IMPG1: variants seen among roughly 807,000 people sequenced by gnomAD.
The protein encoded by IMPG1 is interphotoreceptor matrix proteoglycan 1, also known as interphotoreceptor matrix proteoglycan of 150 kDa.
A neutral mutation model predicts 92.0 loss-of-function variants in IMPG1; 85 were observed. The ratio of observed to expected loss-of-function variants is 0.92; its 90% CI spans 0.78 to 1.11. IMPG1 has a LOEUF of 1.11. Ranked by LOEUF, IMPG1 falls within the 50% of genes least tolerant of loss-of-function variation. The pLI, the probability that IMPG1 is intolerant of heterozygous loss-of-function variation, is 0.00. For missense variants in IMPG1, 1,022 were observed against 956.0 expected (o/e 1.07, Z -0.91); for synonymous variants, 367 against 334.1 (o/e 1.10, Z -1.08).
At chr6:75,959,939 A>G (rs1315949308) in intron 12 of IMPG1, among the ~76,000 whole-genome samples, 1 of 152,154 alleles carries the variant, frequency 6.6e-6, no homozygotes, top group African/African-American at 2.4e-5. Flanking sequence ...CAGCTAGCTC[A>G]GTGTCTGCTC....
intron 7 of IMPG1, among the ~76,000 whole-genome samples, chr6:76,015,191 C>A (rs947583985): frequency 7.2e-5 from 11 of 152,150 alleles, no homozygotes; most frequent in African/African-American, 2.7e-4. Flanking sequence ...TATTAAATTG[C>A]TCATTAGGTT....
At chr6:76,027,664 T>C (rs1468030097) in intron 4 of IMPG1, among the ~76,000 whole-genome samples, 1 of 152,152 alleles carries the variant, frequency 6.6e-6, no homozygotes, top group Non-Finnish European at 1.5e-5. Flanking sequence ...ACATATTGAC[T>C]ATTCAAAAAA....
At position 76,072,510 on chromosome 6, in the gene IMPG1, A is replaced by G. The variant is rs1784418212; in HGVS notation, c.-22T>C. ...ACATTCTGGCTTTTGTGCATTGGTA[A>G]TTCTGATAACAATCACAGAACAACC... On this transcript the variant is annotated 5_prime_UTR_variant, in exon 1 of 17. Coordinates refer to ENST00000369950, the MANE Select transcript of IMPG1 (RefSeq NM_001563.4). 3 of 1,464,696 alleles carry G rather than the reference A, an allele frequency of 2.0e-6. No homozygotes were observed. Among genetic ancestry groups the G allele is most frequent in the Non-Finnish European group, 2.8e-6 (3 of 1,058,616 alleles). The allele number at this position is 1,464,696 out of a possible 1,614,324, so 90.7% of individuals were successfully genotyped here.
intron 12 of IMPG1, among the ~76,000 whole-genome samples, chr6:75,984,841 A>G (rs1238613921): frequency 6.6e-6 from 1 of 151,992 alleles, no homozygotes; most frequent in African/African-American, 2.4e-5. Flanking sequence ...GAGCATGGCA[A>G]CTTCCCCTAC....
chr6:76,045,344 G>A (rs112619657), intron 1 of IMPG1, among the ~76,000 whole-genome samples: 2,104 of 151,556 alleles, frequency 0.014, 37 homozygotes, highest in African/African-American at 0.039. Flanking sequence ...TATTTCTGTC[G>A]TCTGGTGCAG....
At chr6:75,992,994 A>G (rs1311568503) in intron 12 of IMPG1, among the ~76,000 whole-genome samples, 1 of 152,202 alleles carries the variant, frequency 6.6e-6, no homozygotes, top group Non-Finnish European at 1.5e-5. Flanking sequence ...TATACATAAC[A>G]TCTTACATTG....
intron 1 of IMPG1, among the ~76,000 whole-genome samples, chr6:76,056,767 C>T (rs532492047): frequency 6.6e-5 from 10 of 152,174 alleles, no homozygotes; most frequent in Non-Finnish European, 1.2e-4. Flanking sequence ...TTCACATTCC[C>T]GTGATGATTA....
intron 12 of IMPG1, among the ~76,000 whole-genome samples, chr6:75,974,725 AG>A (rs1782507604): frequency 6.6e-6 from 1 of 152,058 alleles, no homozygotes; most frequent in Non-Finnish European, 1.5e-5. Context: ...CATGTTGGCC[AG>A]GCTGGTCTCA....
intron 1 of IMPG1, among the ~76,000 whole-genome samples, chr6:76,064,794 C>T (rs554266680): frequency 6.6e-6 from 1 of 152,144 alleles, no homozygotes; most frequent in Non-Finnish European, 1.5e-5. Flanking sequence ...CTGGCTCTTA[C>T]CAGTAAGTAA....
chr6:75,982,694 G>A (rs1782648619), intron 12 of IMPG1, among the ~76,000 whole-genome samples: 1 of 151,454 alleles, frequency 6.6e-6, no homozygotes. Flanking sequence ...CCCAAATAAT[G>A]ACTATTTTTC....
At chr6:75,947,575 T>C (rs764618020) in intron 13 of IMPG1, 42 bp from the exon 14 acceptor site, 3 of 1,344,998 alleles carry the variant, frequency 2.2e-6, no homozygotes, top group Non-Finnish European at 3.2e-6. Context: ...GTGTTCTAAG[T>C]GCTCAGCTGC....
chr6:75,962,129 TTG>T (rs1491225487), intron 12 of IMPG1, among the ~76,000 whole-genome samples: 5 of 129,808 alleles, frequency 3.9e-5, no homozygotes, highest in East Asian at 2.8e-4. Flanking sequence ...CTTTGCCATT[TTG>T]TTTTTTGAGA....
intron 4 of IMPG1, among the ~76,000 whole-genome samples, chr6:76,027,536 G>A (rs1783569526): frequency 6.6e-6 from 1 of 152,184 alleles, no homozygotes; most frequent in South Asian, 2.1e-4. Flanking sequence ...GCATGGAAAT[G>A]TAAACTTTGG....
chr6:75,957,169 C>T (rs550594180), intron 12 of IMPG1, among the ~76,000 whole-genome samples: 2 of 152,266 alleles, frequency 1.3e-5, no homozygotes, highest in African/African-American at 2.4e-5. Context: ...CCACTCGCCT[C>T]GGCTTCCCAA....
intron 9 of IMPG1, among the ~76,000 whole-genome samples, chr6:76,007,140 T>C (rs1783111993): frequency 6.6e-6 from 1 of 152,196 alleles, no homozygotes; most frequent in African/African-American, 2.4e-5. Context: ...TGCTTTCAGA[T>C]AGACAACTGC....
At chr6:75,974,393 T>TCCTTGCTTGC (rs1562354842) in intron 12 of IMPG1, among the ~76,000 whole-genome samples, 1 of 65,008 alleles carries the variant, frequency 1.5e-5, no homozygotes, top group African/African-American at 5.9e-5. Context: ...CTTTCTTTCT[T>TCCTTGCTTGC]TTCTTTCTTT....
chr6:75,964,749 CT>C (rs1401742978), intron 12 of IMPG1, among the ~76,000 whole-genome samples: 8 of 151,474 alleles, frequency 5.3e-5, no homozygotes, highest in Admixed American at 2.0e-4. Flanking sequence ...CTCATTACCC[CT>C]AATAACATCC....
intron 13 of IMPG1, 103 bp from the exon 14 acceptor site, chr6:75,947,636 T>C (rs1472322711): frequency 2.6e-6 from 2 of 782,138 alleles, no homozygotes; most frequent in African/African-American, 3.5e-5. Context: ...TATATTTTAG[T>C]TCCTTTTTAT....
chr6:75,930,889 A>G (rs909712449), intron 15 of IMPG1, 64 bp downstream of exon 15: 41 of 1,387,028 alleles, frequency 3.0e-5, no homozygotes, highest in Non-Finnish European at 4.1e-5. Context: ...TACTCTAATG[A>G]TGGGTTTCTC....
Sources: gnomAD v4.1 joint callset for allele counts (sites outside exome capture counted in the v4.1 genomes callset) on GRCh38, gnomAD v4.1.1 for gene constraint, MANE v1.5 for transcripts, NCBI Gene and HGNC (gene_info 2026-07-23, HGNC 2026-07-21) for gene names.